Variants in SCARA5 observed in about 807,000 individuals in gnomAD.
SCARA5 encodes scavenger receptor class A, member 5 (putative).
In SCARA5, 45 loss-of-function variants were observed where a neutral mutation model predicts 46.3. The ratio of observed to expected loss-of-function variants is 0.97; its 90% CI spans 0.76 to 1.24. SCARA5 has a LOEUF of 1.24. Ranked by LOEUF, SCARA5 falls within the 50% of genes most tolerant of loss-of-function variation. The pLI is 0.00. For missense variants in SCARA5, 680 were observed against 689.0 expected (o/e 0.99, Z 0.15); for synonymous variants, 333 against 306.5 (o/e 1.09, Z -0.90).
At chr8:27,926,874 C>T (rs1807688798) in intron 3 of SCARA5, among the ~76,000 whole-genome samples, 1 of 152,108 alleles carries the variant, frequency 6.6e-6, no homozygotes, top group Non-Finnish European at 1.5e-5. Context: ...GAATAAAAAG[C>T]CTGATAATTT....
At chr8:27,957,371 C>T (rs1315604664) in intron 3 of SCARA5, among the ~76,000 whole-genome samples, 1 of 152,250 alleles carries the variant, frequency 6.6e-6, no homozygotes, top group African/African-American at 2.4e-5. Context: ...ACCTGCTGAA[C>T]ACTGTTCTAG....
At chr8:27,991,734 C>T (rs1362172406) in intron 1 of SCARA5, among the ~76,000 whole-genome samples, 1 of 152,198 alleles carries the variant, frequency 6.6e-6, no homozygotes. Context: ...CCTCCTCTAA[C>T]TGTACTTAGT....
At chr8:27,876,182 A>G (rs1286659338) in intron 8 of SCARA5, among the ~76,000 whole-genome samples, 1 of 152,168 alleles carries the variant, frequency 6.6e-6, no homozygotes, top group Non-Finnish European at 1.5e-5. Context: ...ACTGCTTGAC[A>G]CCCAAGATCT....
chr8:27,888,973 G>A (rs1481963286), intron 7 of SCARA5, among the ~76,000 whole-genome samples: 4 of 152,170 alleles, frequency 2.6e-5, no homozygotes, highest in South Asian at 2.1e-4. Context: ...TTCCAGCCTC[G>A]GCTTGGAGCT....
intron 8 of SCARA5, among the ~76,000 whole-genome samples, chr8:27,874,919 A>G (rs1009032572): frequency 2.6e-5 from 4 of 151,786 alleles, no homozygotes; most frequent in Admixed American, 1.3e-4. Flanking sequence ...TCACTCCAGC[A>G]CCTCCTGGAC....
intron 2 of SCARA5, among the ~76,000 whole-genome samples, chr8:27,968,782 T>C (rs1017297772): frequency 1.3e-5 from 2 of 152,208 alleles, no homozygotes; most frequent in African/African-American, 2.4e-5. Flanking sequence ...CATCTTCATA[T>C]GTGTTGCTAG....
intron 2 of SCARA5, among the ~76,000 whole-genome samples, chr8:27,980,181 C>T (rs904797474): frequency 2.0e-5 from 3 of 152,098 alleles, no homozygotes; most frequent in African/African-American, 7.2e-5. Flanking sequence ...CTGCAGGATC[C>T]CTGAATATAT....
At chr8:27,956,243 C>A (rs915081343) in intron 3 of SCARA5, among the ~76,000 whole-genome samples, 1 of 152,156 alleles carries the variant, frequency 6.6e-6, no homozygotes, top group Non-Finnish European at 1.5e-5. Flanking sequence ...TCACATCACA[C>A]CATTACGCAA....
At position 27,922,250 on chromosome 8, in the gene SCARA5, G is replaced by C. The variant is rs199619491; in HGVS notation, c.242-5C>G. The C allele has an allele frequency of 5.3e-6, 8 of 1,516,912 alleles. No homozygotes were observed. The highest frequency in any genetic ancestry group is 7.1e-6 in the Non-Finnish European group (8 of 1,131,472). The allele number at this position is 1,516,912 out of a possible 1,614,324, so 94.0% of individuals were successfully genotyped here. A position where few individuals can be genotyped will look rare whatever the true frequency, so the allele number is the denominator to read the frequency against. On this transcript the variant is annotated splice_polypyrimidine_tract_variant and splice_region_variant and intron_variant, in intron 3 of 8. Transcript: ENST00000354914. Reference sequence around the variant, plus strand: ...GGGAGCTGCGCGGCCTGGACACTGCGGAGGAGGAAGAGGGGAGACTTGAGC... The same window carrying C: ...GGGAGCTGCGCGGCCTGGACACTGCCGAGGAGGAAGAGGGGAGACTTGAGC...
chr8:27,907,295 G>T, intron 5 of SCARA5, 49 bp from the exon 6 acceptor site: 9 of 1,403,450 alleles, frequency 6.4e-6, no homozygotes, highest in Non-Finnish European at 9.0e-6. Context: ...AGAACAGGAA[G>T]GACCCTCAGA....
chr8:27,936,592 T>A (rs1338886001), intron 3 of SCARA5, among the ~76,000 whole-genome samples: 18 of 31,314 alleles, frequency 5.7e-4, no homozygotes, highest in South Asian at 7.9e-3. Flanking sequence ...GTGTCTCCAT[T>A]AAAAAAAAAA....
intron 6 of SCARA5, among the ~76,000 whole-genome samples, chr8:27,906,787 A>T (rs1164280947): frequency 3.3e-5 from 5 of 151,930 alleles, no homozygotes; most frequent in African/African-American, 7.3e-5. Flanking sequence ...ATAGCCTCCA[A>T]CTCCTGGACT....
At chr8:27,944,826 C>T (rs1331882105) in intron 3 of SCARA5, among the ~76,000 whole-genome samples, 1 of 151,892 alleles carries the variant, frequency 6.6e-6, no homozygotes, top group Admixed American at 6.6e-5. Flanking sequence ...GCCGAGATCA[C>T]GCCACTGCAC....
intron 4 of SCARA5, among the ~76,000 whole-genome samples, chr8:27,919,456 C>T (rs1442518785): frequency 6.6e-6 from 1 of 152,086 alleles, no homozygotes; most frequent in East Asian, 1.9e-4. Context: ...ATCTCGAGAA[C>T]ATCACATGTT....
chr8:27,944,629 A>G (rs1808003605), intron 3 of SCARA5, among the ~76,000 whole-genome samples: 1 of 151,818 alleles, frequency 6.6e-6, no homozygotes, highest in South Asian at 2.1e-4. Context: ...TGGGAGGCCA[A>G]GGTGGATGGA....
At chr8:27,879,831 T>C (rs1031185901) in intron 7 of SCARA5, 65 bp from the exon 8 acceptor site, 35 of 1,512,438 alleles carry the variant, frequency 2.3e-5, no homozygotes, top group African/African-American at 1.6e-4. Flanking sequence ...CCAGGGGCCT[T>C]CTTTGACTCC....
intron 5 of SCARA5, 51 bp from the exon 6 acceptor site, chr8:27,907,297 AC>A: frequency 7.3e-7 from 1 of 1,374,004 alleles, no homozygotes. Context: ...AACAGGAAGG[AC>A]CCTCAGAGGT....
At chr8:27,884,215 C>A (rs1806856643) in intron 7 of SCARA5, among the ~76,000 whole-genome samples, 1 of 152,220 alleles carries the variant, frequency 6.6e-6, no homozygotes, top group East Asian at 1.9e-4. Context: ...GTTCTCCCCA[C>A]ACAGACTGCA....
At chr8:27,970,483 C>G (rs1415257305) in intron 2 of SCARA5, among the ~76,000 whole-genome samples, 1 of 152,178 alleles carries the variant, frequency 6.6e-6, no homozygotes, top group Non-Finnish European at 1.5e-5. Context: ...ACCTGACAAC[C>G]CAGAAGTTGC....
Sources: gnomAD v4.1 joint callset for allele counts (sites outside exome capture counted in the v4.1 genomes callset) on GRCh38, gnomAD v4.1.1 for gene constraint, MANE v1.5 for transcripts, NCBI Gene and HGNC (gene_info 2026-07-23, HGNC 2026-07-21) for gene names.